Variants in CBFA2T2 observed in about 807,000 individuals in gnomAD.
The protein encoded by CBFA2T2 is protein CBFA2T2.
CBFA2T2 carries 11 observed loss-of-function variants against 62.2 expected under a neutral mutation model. The observed-to-expected ratio is 0.18, with a 90% confidence interval of 0.11 to 0.29. The LOEUF (loss-of-function observed/expected upper bound fraction) is 0.29. Ranked by LOEUF, CBFA2T2 falls within the 10% of genes least tolerant of loss-of-function variation. The pLI, the probability that CBFA2T2 is intolerant of heterozygous loss-of-function variation, is 1.00. For synonymous variants in CBFA2T2, 295 were observed against 287.5 expected, an observed-to-expected ratio of 1.03 and a Z score of -0.27; for missense variants, 592 against 774.1, an observed-to-expected ratio of 0.76 and a Z score of 2.79.
chr20:33,607,821 A>G (rs1413906873), intron 2 of CBFA2T2, among the ~76,000 whole-genome samples: 1 of 152,210 alleles, frequency 6.6e-6, no homozygotes, highest in Non-Finnish European at 1.5e-5. Flanking sequence ...AAGGGGTAAG[A>G]CTTCAATGTA....
intron 1 of CBFA2T2, among the ~76,000 whole-genome samples, chr20:33,587,470 G>A (rs554876594): frequency 1.3e-5 from 2 of 151,186 alleles, no homozygotes; most frequent in African/African-American, 4.9e-5. Flanking sequence ...CTTTCACCGT[G>A]TTAGCCAGGA....
rs1600955190 is a variant in CBFA2T2, at chr20:33,547,686, A to AGTGT, written c.34+57385_34+57386insGTGT. ...ACAGAGCGAGACCCTGTCTCAAAAAAATGTGTGTGTGTGTGTGTGTGTGTG... is the reference window on the plus strand; with the variant it reads ...ACAGAGCGAGACCCTGTCTCAAAAAAGTGTATGTGTGTGTGTGTGTGTGTGTGTG... On this transcript the variant is annotated intron_variant, in intron 1 of 10. Transcript: ENST00000342704. Among the ~76,000 whole-genome samples, 5 of 107,088 alleles carry AGTGT rather than the reference A, an allele frequency of 4.7e-5. No individual in the cohort carries two copies. The South Asian group carries it at 1.1e-3, about 23-fold the overall frequency. The allele number at this position is 107,088 out of a possible 152,430, so 70.3% of individuals were successfully genotyped here.
At chr20:33,505,100 G>C (rs896597909) in intron 1 of CBFA2T2, among the ~76,000 whole-genome samples, 1 of 152,142 alleles carries the variant, frequency 6.6e-6, no homozygotes, top group South Asian at 2.1e-4. Context: ...CTTGTATAAG[G>C]AGATTGGTTC....
intron 10 of CBFA2T2, among the ~76,000 whole-genome samples, chr20:33,642,110 TTTTTTTTGTGTGTGTGTGTGTGTG>T (rs1266587071): frequency 1.3e-5 from 1 of 77,044 alleles, no homozygotes; most frequent in Non-Finnish European, 2.3e-5. Context: ...TTTGTCTTTT[TTTTTTTTGTGTGTGTGTGTGTGTG>T]TGTGTGTGTG....
rs2016787150 is a variant in CBFA2T2, at chr20:33,640,445, C to T, written c.1402C>T (p.Arg468Ter). Residue 468 changes from arginine to a stop codon, truncating the protein, a stop_gained, in exon 10 of 11, where the codon CGA becomes TGA. Coordinates refer to ENST00000342704, the MANE Select transcript of CBFA2T2 (RefSeq NM_001032999.3). LOFTEE classifies it high-confidence loss of function. ...TGAAGTGATTGCAACAGAGAGAGCA[C>T]GAATGGAGCAAACCATAGCGGATGT... ...AFEVIATERA[R>*]MEQTIADVKR... is the part of the protein sequence containing the mutation. 1 of 1,614,256 alleles carries T rather than the reference C, an allele frequency of 6.2e-7. No individual in the cohort carries two copies. The highest frequency in any genetic ancestry group is 8.5e-7 in the Non-Finnish European group (1 of 1,180,048).
At chr20:33,626,382 G>A (rs1266705562) in intron 6 of CBFA2T2, among the ~76,000 whole-genome samples, 1 of 152,216 alleles carries the variant, frequency 6.6e-6, no homozygotes, top group Non-Finnish European at 1.5e-5. Context: ...TGTGATCTCA[G>A]GCAAGTTGCT....
chr20:33,544,611 G>A (rs1016870619), intron 1 of CBFA2T2, among the ~76,000 whole-genome samples: 2 of 151,968 alleles, frequency 1.3e-5, no homozygotes, highest in Admixed American at 6.6e-5. Context: ...GTAGTGGCGC[G>A]ATCTCGGCTC....
intron 1 of CBFA2T2, among the ~76,000 whole-genome samples, chr20:33,597,996 A>G (rs2014961890): frequency 6.6e-6 from 1 of 152,178 alleles, no homozygotes; most frequent in Non-Finnish European, 1.5e-5. Context: ...ATGCCCCACA[A>G]GCCGCAAAAA....
At chr20:33,614,856 C>T (rs1233754473) in intron 3 of CBFA2T2, among the ~76,000 whole-genome samples, 1 of 152,188 alleles carries the variant, frequency 6.6e-6, no homozygotes, top group Admixed American at 6.5e-5. Flanking sequence ...AGTTTTATAT[C>T]AATGTAGGAA....
At chr20:33,493,068 G>GTTTTTTTTTTTTTTTT (rs1157324208) in intron 1 of CBFA2T2, among the ~76,000 whole-genome samples, 1 of 88,082 alleles carries the variant, frequency 1.1e-5, no homozygotes. Context: ...TGAAGTTTTG[G>GTTTTTTTTTTTTTTTT]TTTTTTTTTT....
At chr20:33,492,458 A>G (rs556149637) in intron 1 of CBFA2T2, among the ~76,000 whole-genome samples, 1 of 146,524 alleles carries the variant, frequency 6.8e-6, no homozygotes, top group South Asian at 2.1e-4. Context: ...TGTAGTATTT[A>G]GTTTAAAATA....
chr20:33,565,801 C>A (rs755271747), intron 1 of CBFA2T2, among the ~76,000 whole-genome samples: 1 of 152,080 alleles, frequency 6.6e-6, no homozygotes, highest in Non-Finnish European at 1.5e-5. Flanking sequence ...ATTTTCATAG[C>A]GAGGGTCCTT....
In CBFA2T2 at chr20:33,590,570, C is replaced by T. The variant is rs139163690; in HGVS notation, c.35-16386C>T. On this transcript the variant is annotated intron_variant, in intron 1 of 10. Coordinates refer to ENST00000342704, the MANE Select transcript of CBFA2T2 (RefSeq NM_001032999.3). ...AACTCTTACCAACTGATGGTGAGTG[C>T]CAAGATCTTCTCATTTATCTGGCAG... Among the ~76,000 whole-genome samples, 1,175 of 152,206 alleles carry T rather than the reference C, an allele frequency of 7.7e-3. 11 individuals carry two copies. The highest frequency in any genetic ancestry group is 0.013 in the Non-Finnish European group (904 of 68,016).
intron 1 of CBFA2T2, among the ~76,000 whole-genome samples, chr20:33,515,350 C>CAAAAA (rs11371940): frequency 1.2e-5 from 1 of 82,016 alleles, no homozygotes; most frequent in Non-Finnish European, 2.3e-5. Context: ...GACTCCATCT[C>CAAAAA]AAAAAAAAAA....
chr20:33,557,091 T>C (rs1219882518), intron 1 of CBFA2T2, among the ~76,000 whole-genome samples: 1 of 135,474 alleles, frequency 7.4e-6, no homozygotes, highest in African/African-American at 2.8e-5. Context: ...CTTGGCTCAC[T>C]GCAACCTCCG....
Position 33,611,145 on chromosome 20 carries a change from C to T in CBFA2T2, c.230C>T (p.Pro77Leu). The change falls in exon 3 of 11, where the codon CCG (proline) becomes CTG (leucine). Residue 77 changes from proline (P) to leucine (L), a missense_variant. Coordinates refer to ENST00000342704, the MANE Select transcript of CBFA2T2 (RefSeq NM_001032999.3). ...SPPTLNGAPS[P>L]PQRFSNGPAS... ...CCTACCCTGAATGGTGCCCCATCAC[C>T]GCCACAGAGATTCAGCAATGGTCCT... is the stretch of plus-strand genomic sequence containing the variant. The T allele has an allele frequency of 3.1e-6, 5 of 1,614,178 alleles. No individual in the cohort carries two copies. Among genetic ancestry groups the T allele is most frequent in the Middle Eastern group, 1.6e-4 (1 of 6,062 alleles).
chr20:33,588,183 T>G (rs993049413), intron 1 of CBFA2T2, among the ~76,000 whole-genome samples: 2 of 152,176 alleles, frequency 1.3e-5, no homozygotes, highest in African/African-American at 4.8e-5. Context: ...CACAAAAGTT[T>G]CCTCTTGACC....
chr20:33,595,390 T>C (rs1044821544), intron 1 of CBFA2T2, among the ~76,000 whole-genome samples: 1 of 152,010 alleles, frequency 6.6e-6, no homozygotes, highest in African/African-American at 2.4e-5. Context: ...TTTTCTATTT[T>C]TAGTAGAGAC....
chr20:33,564,223 G>C (rs768115559), intron 1 of CBFA2T2, among the ~76,000 whole-genome samples: 26 of 150,436 alleles, frequency 1.7e-4, no homozygotes, highest in Non-Finnish European at 3.0e-4. Flanking sequence ...CAATTTTATA[G>C]TCAGATTTCT....
Sources: allele counts gnomAD v4.1 joint callset (sites outside exome capture counted in the v4.1 genomes callset), GRCh38; gene constraint gnomAD v4.1.1; transcripts MANE v1.5; gene names NCBI Gene and HGNC (gene_info 2026-07-23, HGNC 2026-07-21).